HSD17B3: variants seen among roughly 807,000 people sequenced by gnomAD.
HSD17B3 encodes 17-beta-hydroxysteroid dehydrogenase type 3.
Under a neutral mutation model 41.1 loss-of-function variants are expected in HSD17B3, and 29 were observed. That is an observed-to-expected ratio of 0.71 (90% confidence interval 0.53 to 0.96). The LOEUF (loss-of-function observed/expected upper bound fraction) is 0.96, where lower values mean the gene tolerates loss of function less well. HSD17B3 is among the 40% of genes least tolerant of loss of function. The pLI, the probability that HSD17B3 is intolerant of heterozygous loss-of-function variation, is 0.00. For synonymous variants in HSD17B3, 126 were observed against 145.6 expected (o/e 0.87, Z 0.97); for missense variants, 323 against 374.6 (o/e 0.86, Z 1.14).
intron 2 of HSD17B3, among the ~76,000 whole-genome samples, chr9:96,291,869 A>G (rs1827171452): frequency 6.6e-6 from 1 of 152,156 alleles, no homozygotes. Flanking sequence ...AGGCAGGAGA[A>G]TCACTTGAAC....
chr9:96,301,911 C>T (rs747202367), intron 1 of HSD17B3, 40 bp downstream of exon 1: 1 of 1,585,520 alleles, frequency 6.3e-7, no homozygotes, highest in East Asian at 2.2e-5. Flanking sequence ...CAAGCAGGAA[C>T]AACAGCAGCA....
At chr9:96,288,798 C>A (rs1259286653) in intron 2 of HSD17B3, among the ~76,000 whole-genome samples, 1 of 151,908 alleles carries the variant, frequency 6.6e-6, no homozygotes, top group Non-Finnish European at 1.5e-5. Flanking sequence ...ATTAGCCAGG[C>A]GTGGTGTGGG....
At chr9:96,255,363 A>ATTTTTTTTT (rs1825595207) in intron 2 of HSD17B3, among the ~76,000 whole-genome samples, 1 of 46,352 alleles carries the variant, frequency 2.2e-5, no homozygotes, top group Non-Finnish European at 4.9e-5. Flanking sequence ...CTGCCCCAAC[A>ATTTTTTTTT]TTTCTTTTTT....
At chr9:96,293,269 G>A (rs1375091794) in intron 2 of HSD17B3, among the ~76,000 whole-genome samples, 1 of 152,150 alleles carries the variant, frequency 6.6e-6, no homozygotes, top group African/African-American at 2.4e-5. Context: ...TAAATTAGTA[G>A]ACTTTGAGTA....
chr9:96,290,695 A>G (rs1396825607), intron 2 of HSD17B3, among the ~76,000 whole-genome samples: 1 of 151,760 alleles, frequency 6.6e-6, no homozygotes, highest in African/African-American at 2.4e-5. Flanking sequence ...TTAGCCAGGC[A>G]TGGTGGCGGG....
chr9:96,272,405 C>CTCTCTCTCTCTCTCTATATATATA (rs1239816824), intron 2 of HSD17B3, among the ~76,000 whole-genome samples: 1 of 21,536 alleles, frequency 4.6e-5, no homozygotes, highest in Non-Finnish European at 8.8e-5. Flanking sequence ...CTCTCTCTCT[C>CTCTCTCTCTCTCTCTATATATATA]TATATATATA....
chr9:96,294,569 A>G (rs1346574417), intron 2 of HSD17B3, among the ~76,000 whole-genome samples: 1 of 152,250 alleles, frequency 6.6e-6, no homozygotes, highest in African/African-American at 2.4e-5. Context: ...TCAGGTCAGC[A>G]TGAACTTGAG....
At chr9:96,249,824 A>T (rs772988098) in intron 5 of HSD17B3, 38 bp from the exon 6 acceptor site, 1 of 1,613,816 alleles carries the variant, frequency 6.2e-7, no homozygotes, top group Non-Finnish European at 8.5e-7. Context: ...CAGCCGGATG[A>T]TTAGAGAAAT....
chr9:96,298,182 T>C (rs1378719511), intron 2 of HSD17B3, among the ~76,000 whole-genome samples: 1 of 152,166 alleles, frequency 6.6e-6, no homozygotes, highest in African/African-American at 2.4e-5. Flanking sequence ...GCCCCACAAA[T>C]TCCCAAAACA....
intron 2 of HSD17B3, among the ~76,000 whole-genome samples, chr9:96,261,854 T>C (rs898401459): frequency 4.6e-5 from 7 of 152,170 alleles, no homozygotes; most frequent in Non-Finnish European, 1.0e-4. Flanking sequence ...GAAAACACCA[T>C]GGCACTGTCT....
intron 10 of HSD17B3, chr9:96,239,430 T>A (rs575220811): frequency 6.6e-6 from 1 of 152,328 alleles, no homozygotes; most frequent in East Asian, 1.9e-4. Context: ...AAAGACCAGA[T>A]CAGCAACAGA....
chr9:96,279,860 C>A (rs972182106), intron 2 of HSD17B3, among the ~76,000 whole-genome samples: 2 of 151,988 alleles, frequency 1.3e-5, no homozygotes, highest in African/African-American at 4.8e-5. Flanking sequence ...AGCTCCGCCT[C>A]CCAGGTTCAC....
chr9:96,250,298 T>C (rs917442734), intron 5 of HSD17B3: 5 of 1,081,856 alleles, frequency 4.6e-6, no homozygotes, highest in Admixed American at 4.7e-5. Flanking sequence ...GGAGCAACCC[T>C]GGAACTTGCT....
At chr9:96,249,992 A>C in intron 5 of HSD17B3, 1 of 1,465,238 alleles carries the variant, frequency 6.8e-7, no homozygotes, top group South Asian at 1.4e-5. Context: ...GTCATTCTGT[A>C]CCCACGTCAT....
intron 2 of HSD17B3, among the ~76,000 whole-genome samples, chr9:96,288,845 G>C (rs1166242484): frequency 2.0e-5 from 3 of 151,932 alleles, no homozygotes; most frequent in Non-Finnish European, 4.4e-5. Flanking sequence ...GCTGAGGCAG[G>C]AGAATGGCGT....
At chr9:96,249,865 C>A (rs367965010) in intron 5 of HSD17B3, 79 bp from the exon 6 acceptor site, 207 of 1,611,822 alleles carry the variant, frequency 1.3e-4, no homozygotes, top group Admixed American at 4.5e-4. Flanking sequence ...GCTAAAGAAC[C>A]ATGAAGTGGG....
At chr9:96,278,144 A>T (rs540036059) in intron 2 of HSD17B3, among the ~76,000 whole-genome samples, 1 of 152,316 alleles carries the variant, frequency 6.6e-6, no homozygotes, top group African/African-American at 2.4e-5. Flanking sequence ...AGGATGAATG[A>T]GATCTAGAGA....
At chr9:96,294,999 G>C (rs983573866) in intron 2 of HSD17B3, among the ~76,000 whole-genome samples, 1 of 139,058 alleles carries the variant, frequency 7.2e-6, no homozygotes, top group African/African-American at 2.7e-5. Flanking sequence ...CAGACACGAG[G>C]AGCTTTTTTT....
intron 2 of HSD17B3, among the ~76,000 whole-genome samples, chr9:96,273,341 G>A (rs1448613179): frequency 2.6e-5 from 4 of 152,184 alleles, no homozygotes; most frequent in Non-Finnish European, 5.9e-5. Flanking sequence ...ATTCAGTGGA[G>A]CACAAAAACT....
Sources: gnomAD v4.1 joint callset for allele counts (sites outside exome capture counted in the v4.1 genomes callset) on GRCh38, gnomAD v4.1.1 for gene constraint, MANE v1.5 for transcripts, NCBI Gene and HGNC (gene_info 2026-07-23, HGNC 2026-07-21) for gene names.